The following ATF7IP variants were observed in gnomAD, a reference collection of about 807,000 sequenced individuals.
ATF7IP encodes the protein activating transcription factor 7-interacting protein 1.
A neutral mutation model predicts 106.4 loss-of-function variants in ATF7IP; 23 were observed. The ratio of observed to expected loss-of-function variants is 0.22; its 90% CI spans 0.16 to 0.31. The LOEUF is 0.31. Ranked by LOEUF, ATF7IP falls within the 10% of genes least tolerant of loss-of-function variation. The probability of loss-of-function intolerance (pLI) is 1.00; values close to 1 mark genes in which losing one functional copy is unlikely to be tolerated. For synonymous variants in ATF7IP, 542 were observed against 539.0 expected, an observed-to-expected ratio of 1.01 and a Z score of -0.08; for missense variants, 1,334 against 1,524.3, an observed-to-expected ratio of 0.88 and a Z score of 2.08.
intron 2 of ATF7IP, among the ~76,000 whole-genome samples, chr12:14,428,906 A>T (rs1032581849): frequency 1.3e-5 from 2 of 152,202 alleles, no homozygotes; most frequent in South Asian, 4.1e-4. Context: ...GAATTGTGAC[A>T]TAGTATTATG....
chr12:14,498,007 T>C lies in ATF7IP; in HGVS notation c.3747T>C (p.Tyr1249=). The change falls in exon 15 of 15, where the codon TAT becomes TAC. Residue 1249 remains tyrosine, a synonymous_variant. Transcript: ENST00000261168. ...YYFAVRAKDI[Y]GRFGPFCDPQ... is the part of the protein sequence containing the mutation. ...TTGCAGTACGAGCCAAGGATATTTA[T>C]GGACGTTTTGGGCCTTTCTGTGATC... 1 of 1,613,898 alleles carries C rather than the reference T, an allele frequency of 6.2e-7. No homozygotes were observed. Among genetic ancestry groups the C allele is most frequent in the Non-Finnish European group, 8.5e-7 (1 of 1,179,726 alleles).
At chr12:14,387,561 G>A (rs10772777) in intron 1 of ATF7IP, among the ~76,000 whole-genome samples, 3 of 151,826 alleles carry the variant, frequency 2.0e-5, no homozygotes, top group Admixed American at 6.6e-5. Flanking sequence ...AATATTTGCC[G>A]CTACCCTCTA....
chr12:14,472,828 A>AC (rs1182042960), intron 10 of ATF7IP, among the ~76,000 whole-genome samples: 1 of 151,932 alleles, frequency 6.6e-6, no homozygotes, highest in African/African-American at 2.4e-5. Context: ...ATGCACACAC[A>AC]CACACTATAT....
At position 14,425,334 on chromosome 12, in the gene ATF7IP, T is replaced by C; in HGVS notation, c.1419T>C (p.Ser473=). The C allele has an allele frequency of 1.2e-6, 2 of 1,611,834 alleles. No individual in the cohort carries two copies. The highest frequency in any genetic ancestry group is 1.7e-6 in the Non-Finnish European group (2 of 1,179,442). Residue 473 remains serine (S), a synonymous_variant, in exon 2 of 15, where the codon AGT becomes AGC. Coordinates refer to ENST00000261168, the MANE Select transcript of ATF7IP (RefSeq NM_018179.5). ...CAGATTTGGAAGAGAAAATGGAAAG[T>C]TCTTTTGGTTCACCATCTAAACAAG... ...TNPDLEEKME[S]SFGSPSKQES...
At chr12:14,457,341 A>T in intron 8 of ATF7IP, 46 bp downstream of exon 8, 1 of 1,353,274 alleles carries the variant, frequency 7.4e-7, no homozygotes, top group Non-Finnish European at 1.0e-6. Context: ...TAGGAATTAA[A>T]GGCTTTGGTT....
At chr12:14,455,000 A>G (rs11055979) in intron 6 of ATF7IP, among the ~76,000 whole-genome samples, 85,680 of 151,554 alleles carry the variant, frequency 0.57, 24,628 homozygotes, top group African/African-American at 0.67. Flanking sequence ...TCAACATGGC[A>G]AAACCCCACG....
chr12:14,452,178 T>C (rs1943229935), intron 6 of ATF7IP, among the ~76,000 whole-genome samples: 1 of 152,204 alleles, frequency 6.6e-6, no homozygotes, highest in African/African-American at 2.4e-5. Flanking sequence ...TCTCTTCTTG[T>C]TACCATTTGC....
At chr12:14,454,890 C>T (rs1052752908) in intron 6 of ATF7IP, among the ~76,000 whole-genome samples, 1 of 152,010 alleles carries the variant, frequency 6.6e-6, no homozygotes, top group South Asian at 2.1e-4. Flanking sequence ...AATAATTACT[C>T]AATGATGGCC....
rs1431229328 is a variant in ATF7IP at position 14,424,765 on chromosome 12, A to G, written c.850A>G (p.Thr284Ala). 1 of 1,614,120 alleles carries G rather than the reference A, an allele frequency of 6.2e-7. No individual in the cohort carries two copies. Among genetic ancestry groups the G allele is most frequent in the East Asian group, 2.2e-5 (1 of 44,878 alleles). ...LASDELTSES[T>A]FDRTFEPKSV... ...CTCTGATGAGCTGACTTCTGAATCAACCTTTGATCGTACCTTTGAACCAAA... is the reference window on the plus strand; with the variant it reads ...CTCTGATGAGCTGACTTCTGAATCAGCCTTTGATCGTACCTTTGAACCAAA... Residue 284 changes from threonine to alanine, a missense_variant, in exon 2 of 15, where the codon ACC (threonine) becomes GCC (alanine). By Grantham distance (58) the Thr-to-Ala change is moderately conservative. Around this residue, in one of 10 missense-constraint regions of ATF7IP, gnomAD observed 438 missense variants for 405.3 expected, o/e 1.08. Transcript: ENST00000261168.
chr12:14,391,100 G>C (rs1170130972), intron 1 of ATF7IP, among the ~76,000 whole-genome samples: 1 of 152,224 alleles, frequency 6.6e-6, no homozygotes, highest in Non-Finnish European at 1.5e-5. Flanking sequence ...AAAGCCTAAT[G>C]TCTATTCAAA....
chr12:14,385,099 T>A (rs1438247974), intron 1 of ATF7IP: 1 of 333,224 alleles, frequency 3.0e-6, no homozygotes, highest in Non-Finnish European at 5.4e-6. Context: ...CAAAACTGGC[T>A]TGCTGCCTTC....
chr12:14,486,733 C>A (rs189852894), intron 13 of ATF7IP, among the ~76,000 whole-genome samples: 1 of 152,202 alleles, frequency 6.6e-6, no homozygotes, highest in Non-Finnish European at 1.5e-5. Context: ...GCTACGCCCA[C>A]CTTGCCTTTG....
chr12:14,381,962 C>A (rs192587233), intron 1 of ATF7IP, among the ~76,000 whole-genome samples: 29 of 150,950 alleles, frequency 1.9e-4, no homozygotes, highest in African/African-American at 7.1e-4. Context: ...TCTTATTTTA[C>A]ATGGTCATTG....
intron 9 of ATF7IP, among the ~76,000 whole-genome samples, chr12:14,461,761 TC>T (rs1187954669): frequency 6.6e-6 from 1 of 152,156 alleles, no homozygotes; most frequent in Non-Finnish European, 1.5e-5. Flanking sequence ...TCTTCCTAGT[TC>T]CTAGAAAGAG....
At chr12:14,374,272 ATTTTTTTTTTT>A (rs563859251) in intron 1 of ATF7IP, among the ~76,000 whole-genome samples, 1 of 105,446 alleles carries the variant, frequency 9.5e-6, no homozygotes, top group Non-Finnish European at 1.9e-5. Context: ...TAATTTTGTA[ATTTTTTTTTTT>A]TTTTTTTTTT....
At chr12:14,426,705 A>G (rs2136564113) in intron 2 of ATF7IP, among the ~76,000 whole-genome samples, 1 of 151,026 alleles carries the variant, frequency 6.6e-6, no homozygotes, top group African/African-American at 2.4e-5. Flanking sequence ...ACTTGTCTGT[A>G]GTCCAGGGTA....
intron 10 of ATF7IP, among the ~76,000 whole-genome samples, chr12:14,473,288 CTCTGTGTG>C (rs1297626961): frequency 0.04 from 5,679 of 140,426 alleles, 430 homozygotes; most frequent in African/African-American, 0.14. Flanking sequence ...CTCTCTCTCT[CTCTGTGTG>C]TGTGTGTGTG....
chr12:14,485,417 G>A (rs935321582), intron 13 of ATF7IP, among the ~76,000 whole-genome samples: 2 of 151,994 alleles, frequency 1.3e-5, no homozygotes, highest in African/African-American at 2.4e-5. Flanking sequence ...GAGGTAGAAG[G>A]TCCCTGCATT....
chr12:14,446,660 A>C (rs1377470994), intron 5 of ATF7IP, among the ~76,000 whole-genome samples: 1 of 152,178 alleles, frequency 6.6e-6, no homozygotes, highest in Non-Finnish European at 1.5e-5. Context: ...TGTGATTACA[A>C]CTGTGTTAAA....
Sources: allele counts gnomAD v4.1 joint callset (sites outside exome capture counted in the v4.1 genomes callset), GRCh38; gene constraint gnomAD v4.1.1; regional missense constraint gnomAD v4.1.1; transcripts MANE v1.5; gene names NCBI Gene and HGNC (gene_info 2026-07-23, HGNC 2026-07-21).